The following TMCC1 variants were observed in gnomAD, a reference collection of about 807,000 sequenced individuals.
TMCC1 encodes the protein transmembrane and coiled-coil domains protein 1.
TMCC1 carries 15 observed loss-of-function variants against 52.4 expected under a neutral mutation model. The observed-to-expected ratio is 0.29, with a 90% confidence interval of 0.19 to 0.44. TMCC1 has a LOEUF of 0.44. TMCC1 is among the 20% of genes least tolerant of loss of function. The pLI, the probability that TMCC1 is intolerant of heterozygous loss-of-function variation, is 1.00. For missense variants in TMCC1, 503 were observed against 806.0 expected (o/e 0.62, Z 4.55); for synonymous variants, 279 against 301.9 (o/e 0.92, Z 0.79).
chr3:129,764,212 C>A (rs1454241031), intron 4 of TMCC1, among the ~76,000 whole-genome samples: 1 of 152,180 alleles, frequency 6.6e-6, no homozygotes, highest in African/African-American at 2.4e-5. Context: ...TTTTGCCATA[C>A]ATAGAAGGAC....
intron 4 of TMCC1, among the ~76,000 whole-genome samples, chr3:129,716,744 T>C (rs977130064): frequency 5.3e-5 from 8 of 152,128 alleles, no homozygotes; most frequent in African/African-American, 1.9e-4. Context: ...GTTTGCTTTC[T>C]CCACTGCGTG....
At chr3:129,722,327 G>T (rs1041118277) in intron 4 of TMCC1, among the ~76,000 whole-genome samples, 1 of 152,114 alleles carries the variant, frequency 6.6e-6, no homozygotes, top group Admixed American at 6.6e-5. Flanking sequence ...TGCTCCTTAT[G>T]ATAATCTAAC....
intron 4 of TMCC1, among the ~76,000 whole-genome samples, chr3:129,770,802 G>GT (rs2054511357): frequency 6.6e-6 from 1 of 152,092 alleles, no homozygotes; most frequent in Non-Finnish European, 1.5e-5. Flanking sequence ...TGGATTCAGG[G>GT]ATACTGCACA....
chr3:129,659,094 CTTTT>C (rs902362203), intron 5 of TMCC1, among the ~76,000 whole-genome samples: 13 of 129,998 alleles, frequency 1.0e-4, no homozygotes, highest in South Asian at 2.5e-4. Flanking sequence ...TTCTTTCTTT[CTTTT>C]TTTTTTTTTT....
At chr3:129,659,098 T>C (rs112972681) in intron 5 of TMCC1, among the ~76,000 whole-genome samples, 13,471 of 145,044 alleles carry the variant, frequency 0.093, 668 homozygotes, top group Middle Eastern at 0.16. Flanking sequence ...TTCTTTCTTT[T>C]TTTTTTTTTT....
chr3:129,842,887 A>G (rs1242582197), intron 2 of TMCC1, among the ~76,000 whole-genome samples: 1 of 152,364 alleles, frequency 6.6e-6, no homozygotes, highest in Admixed American at 6.5e-5. Context: ...CTTAAAAAAT[A>G]CTTGCAAAGT....
intron 2 of TMCC1, among the ~76,000 whole-genome samples, chr3:129,844,583 C>T (rs1340550455): frequency 1.3e-5 from 2 of 152,098 alleles, no homozygotes; most frequent in Non-Finnish European, 2.9e-5. Context: ...GCCTTGTCTT[C>T]CCTGCCTCTC....
At chr3:129,805,526 G>T (rs561408855) in intron 4 of TMCC1, among the ~76,000 whole-genome samples, 1 of 152,222 alleles carries the variant, frequency 6.6e-6, no homozygotes, top group East Asian at 1.9e-4. Flanking sequence ...TTTTAATCCA[G>T]GATTACTCAT....
At chr3:129,706,587 C>T (rs2048261903) in intron 4 of TMCC1, among the ~76,000 whole-genome samples, 1 of 152,180 alleles carries the variant, frequency 6.6e-6, no homozygotes, top group Admixed American at 6.5e-5. Flanking sequence ...CTGTACTGAG[C>T]TTTCTGTACT....
intron 2 of TMCC1, among the ~76,000 whole-genome samples, chr3:129,853,986 T>C (rs1351557228): frequency 6.6e-6 from 1 of 152,200 alleles, no homozygotes; most frequent in Non-Finnish European, 1.5e-5. Context: ...AGCACAACTC[T>C]GTCTAAATGA....
intron 1 of TMCC1, among the ~76,000 whole-genome samples, chr3:129,888,229 G>A (rs2061810529): frequency 6.6e-6 from 1 of 152,204 alleles, no homozygotes; most frequent in Admixed American, 6.5e-5. Flanking sequence ...GGTAAGGTTA[G>A]AATGATACAT....
chr3:129,741,968 T>C (rs535924173), intron 4 of TMCC1, among the ~76,000 whole-genome samples: 118 of 152,188 alleles, frequency 7.8e-4, no homozygotes, highest in Admixed American at 1.3e-3. Context: ...ATTTCTGCTA[T>C]TTAAATTCCT....
At chr3:129,829,783 G>C (rs1330410168) in intron 3 of TMCC1, among the ~76,000 whole-genome samples, 1 of 152,182 alleles carries the variant, frequency 6.6e-6, no homozygotes, top group African/African-American at 2.4e-5. Context: ...TAAATTAGCT[G>C]AATAAAAGAG....
intron 4 of TMCC1, among the ~76,000 whole-genome samples, chr3:129,798,833 G>T (rs753789043): frequency 6.6e-6 from 1 of 152,158 alleles, no homozygotes; most frequent in Non-Finnish European, 1.5e-5. Context: ...TTAAAGCAAG[G>T]AGTGAAGAAA....
intron 2 of TMCC1, among the ~76,000 whole-genome samples, chr3:129,856,444 TCTA>T (rs2060150093): frequency 6.6e-6 from 1 of 152,228 alleles, no homozygotes; most frequent in African/African-American, 2.4e-5. Flanking sequence ...TTCTAGGTAA[TCTA>T]CTATCAGTAT....
intron 4 of TMCC1, among the ~76,000 whole-genome samples, chr3:129,706,789 TATTTC>T (rs1263834816): frequency 1.3e-5 from 2 of 152,122 alleles, no homozygotes; most frequent in Admixed American, 6.5e-5. Context: ...TCCTTGTTTT[TATTTC>T]ATTTATTTCA....
chr3:129,853,466 AT>A (rs2060005933), intron 2 of TMCC1, among the ~76,000 whole-genome samples: 1 of 151,794 alleles, frequency 6.6e-6, no homozygotes, highest in African/African-American at 2.4e-5. Context: ...CCACAAAAAA[AT>A]AAACTTAAAA....
chr3:129,684,600 A>G (rs143608347), intron 4 of TMCC1, among the ~76,000 whole-genome samples: 1,580 of 152,326 alleles, frequency 0.01, 19 homozygotes, highest in Non-Finnish European at 0.013. Flanking sequence ...GAACAAGGCG[A>G]GTTGTGGATG....
intron 4 of TMCC1, among the ~76,000 whole-genome samples, chr3:129,796,792 G>C (rs564407583): frequency 1.3e-5 from 2 of 152,194 alleles, no homozygotes; most frequent in Non-Finnish European, 2.9e-5. Context: ...AGTGAGGCAT[G>C]ATGCTCCAGT....
Sources: gnomAD v4.1 joint callset for allele counts (sites outside exome capture counted in the v4.1 genomes callset) on GRCh38, gnomAD v4.1.1 for gene constraint, MANE v1.5 for transcripts, NCBI Gene and HGNC (gene_info 2026-07-23, HGNC 2026-07-21) for gene names.